RIC8B: variants seen among roughly 807,000 people sequenced by gnomAD.
RIC8B encodes the protein RIC8 guanine nucleotide exchange factor B, also known as chaperone Ric-8B.
Under a neutral mutation model 57.5 loss-of-function variants are expected in RIC8B, and 16 were observed. The ratio of observed to expected loss-of-function variants is 0.28; its 90% CI spans 0.19 to 0.42. The LOEUF (loss-of-function observed/expected upper bound fraction) is 0.42. RIC8B is among the 10% of genes least tolerant of loss of function. The pLI is 1.00. For synonymous variants in RIC8B, 216 were observed against 250.8 expected (o/e 0.86, Z 1.31); for missense variants, 481 against 677.0 (o/e 0.71, Z 3.21).
chr12:106,851,346 ATAC>A, intron 6 of RIC8B, 101 bp from the exon 7 acceptor site: 2 of 740,238 alleles, frequency 2.7e-6, no homozygotes, highest in Non-Finnish European at 3.9e-6. Context: ...TGCTCCTACA[ATAC>A]AAACCCCAGT....
At chr12:106,853,283 T>C (rs143427658) in intron 7 of RIC8B, among the ~76,000 whole-genome samples, 72 of 151,894 alleles carry the variant, frequency 4.7e-4, no homozygotes, top group African/African-American at 1.5e-3. Context: ...GCAAATATGG[T>C]AAATTGCATT....
intron 8 of RIC8B, among the ~76,000 whole-genome samples, chr12:106,862,412 G>T (rs1401226009): frequency 6.6e-6 from 1 of 152,028 alleles, no homozygotes; most frequent in Non-Finnish European, 1.5e-5. Flanking sequence ...TTGTGCAAAT[G>T]ATCTCTATGG....
Position 106,814,793 on chromosome 12 carries a change from A to G in RIC8B, c.230A>G (p.Lys77Arg). The G allele has an allele frequency of 6.2e-7, 1 of 1,614,222 alleles. No individual in the cohort carries two copies. Residue 77 changes from lysine (K) to arginine (R), a missense_variant, in exon 3 of 10, where the codon AAA becomes AGA. By Grantham distance (26) the Lys-to-Arg change is conservative. Around this residue, in one of 3 missense-constraint regions of RIC8B, gnomAD observed 421 missense variants for 560.9 expected, o/e 0.75. Transcript: ENST00000392837. ...LEVLRILSRD[K>R]KVLVPVTTKE... ...GTACTCCGCATTCTCTCCAGAGACA[A>G]AAAGGTTTTAGTTCCTGTGACAACT...
At chr12:106,846,723 C>CAAAAAA (rs35399211) in intron 6 of RIC8B, among the ~76,000 whole-genome samples, 1 of 120,532 alleles carries the variant, frequency 8.3e-6, no homozygotes, top group Non-Finnish European at 1.8e-5. Flanking sequence ...ACAGAACAGC[C>CAAAAAA]AAAAAAAAAA....
chr12:106,844,453 GAA>G (rs1442619876), intron 6 of RIC8B, among the ~76,000 whole-genome samples: 2 of 152,154 alleles, frequency 1.3e-5, no homozygotes, highest in African/African-American at 4.8e-5. Flanking sequence ...TACACTTAAG[GAA>G]AAGCAAGAAG....
At chr12:106,803,215 C>CAAAAAAAAAAAAA (rs55853235) in intron 2 of RIC8B, among the ~76,000 whole-genome samples, 6 of 84,014 alleles carry the variant, frequency 7.1e-5, no homozygotes, top group African/African-American at 2.5e-4. Flanking sequence ...TACCCTGTCT[C>CAAAAAAAAAAAAA]AAAAAAAAAA....
At chr12:106,835,256 A>G (rs752235418) in intron 4 of RIC8B, among the ~76,000 whole-genome samples, 21 of 152,112 alleles carry the variant, frequency 1.4e-4, no homozygotes, top group Admixed American at 2.6e-4. Context: ...ACCCCATTTC[A>G]TACATACATA....
intron 4 of RIC8B, among the ~76,000 whole-genome samples, chr12:106,832,399 C>G (rs1288562022): frequency 1.3e-5 from 2 of 152,056 alleles, no homozygotes; most frequent in Non-Finnish European, 2.9e-5. Context: ...GAAACCACGT[C>G]TCTACCAAAA....
At chr12:106,831,274 T>G (rs1406011248) in intron 4 of RIC8B, among the ~76,000 whole-genome samples, 1 of 152,134 alleles carries the variant, frequency 6.6e-6, no homozygotes, top group Non-Finnish European at 1.5e-5. Flanking sequence ...CACAGAGGTG[T>G]TTTTCAAAAA....
intron 2 of RIC8B, 41 bp from the exon 3 acceptor site, chr12:106,814,655 A>G (rs752719237): frequency 6.5e-7 from 1 of 1,540,764 alleles, no homozygotes; most frequent in South Asian, 1.3e-5. Context: ...AAGTCATTTG[A>G]GCCAAATAAT....
intron 1 of RIC8B, among the ~76,000 whole-genome samples, chr12:106,782,824 C>CA: frequency 6.6e-6 from 1 of 152,284 alleles, no homozygotes; most frequent in African/African-American, 2.4e-5. Context: ...CTTTAGTACT[C>CA]AGTGTACTTC....
intron 2 of RIC8B, among the ~76,000 whole-genome samples, chr12:106,798,594 G>C (rs558217517): frequency 6.6e-6 from 1 of 152,128 alleles, no homozygotes; most frequent in South Asian, 2.1e-4. Flanking sequence ...GTAATGGAAA[G>C]CTTACAGCAG....
intron 4 of RIC8B, among the ~76,000 whole-genome samples, chr12:106,829,186 GGTATGATCCAC>G (rs2046244929): frequency 6.6e-6 from 1 of 152,102 alleles, no homozygotes; most frequent in Non-Finnish European, 1.5e-5. Flanking sequence ...GTAGGTTGTT[GGTATGATCCAC>G]CTTTTTTGCT....
intron 2 of RIC8B, among the ~76,000 whole-genome samples, chr12:106,803,464 G>A (rs1374859375): frequency 6.6e-6 from 1 of 152,032 alleles, no homozygotes; most frequent in African/African-American, 2.4e-5. Context: ...AGTTATCCTA[G>A]GTTACTAACA....
intron 4 of RIC8B, among the ~76,000 whole-genome samples, chr12:106,832,524 G>C (rs935731815): frequency 6.6e-6 from 1 of 150,796 alleles, no homozygotes; most frequent in African/African-American, 2.4e-5. Flanking sequence ...CTGAGATGGG[G>C]CCACTGCACT....
At chr12:106,865,870 A>G (rs1027389501) in intron 8 of RIC8B, among the ~76,000 whole-genome samples, 1 of 152,202 alleles carries the variant, frequency 6.6e-6, no homozygotes, top group Non-Finnish European at 1.5e-5. Flanking sequence ...CAGGCACTGC[A>G]GACACACTCC....
intron 3 of RIC8B, among the ~76,000 whole-genome samples, chr12:106,817,688 G>A (rs868856613): frequency 6.6e-5 from 10 of 152,066 alleles, no homozygotes; most frequent in Non-Finnish European, 1.2e-4. Flanking sequence ...AGCTGGGCGT[G>A]GTCACGGGCG....
At chr12:106,857,965 C>A (rs576304226) in intron 7 of RIC8B, among the ~76,000 whole-genome samples, 12 of 152,230 alleles carry the variant, frequency 7.9e-5, no homozygotes, top group Non-Finnish European at 1.6e-4. Flanking sequence ...ACCTTTGTAA[C>A]CCACACTGCC....
chr12:106,880,227 G>A (rs1272730431), intron 9 of RIC8B, among the ~76,000 whole-genome samples: 2 of 151,992 alleles, frequency 1.3e-5, no homozygotes, highest in Non-Finnish European at 2.9e-5. Flanking sequence ...AAGGGCTTGT[G>A]GTCTTGGTGT....
Sources: allele counts gnomAD v4.1 joint callset (sites outside exome capture counted in the v4.1 genomes callset), GRCh38; gene constraint gnomAD v4.1.1; regional missense constraint gnomAD v4.1.1; transcripts MANE v1.5; gene names NCBI Gene and HGNC (gene_info 2026-07-23, HGNC 2026-07-21).